Variants in FREM3 observed in about 807,000 individuals in gnomAD.
The protein encoded by FREM3 is FRAS1-related extracellular matrix protein 3.
In FREM3, 105 loss-of-function variants were observed where a neutral mutation model predicts 129.1. The observed-to-expected ratio is 0.81, with a 90% CI of 0.69 to 0.96. The LOEUF is 0.96. Among genes scored for constraint, FREM3 ranks in the 40% least tolerant of loss-of-function variants. The probability of loss-of-function intolerance (pLI) is 0.00; values close to 1 mark genes in which losing one functional copy is unlikely to be tolerated. For synonymous variants in FREM3, 1,014 were observed against 1,044.9 expected, an observed-to-expected ratio of 0.97 and a Z score of 0.57; for missense variants, 2,593 against 2,666.3, an observed-to-expected ratio of 0.97 and a Z score of 0.61.
At chr4:143,685,812 A>G (rs1276259676) in intron 2 of FREM3, among the ~76,000 whole-genome samples, 1 of 152,090 alleles carries the variant, frequency 6.6e-6, no homozygotes, top group Non-Finnish European at 1.5e-5. Flanking sequence ...TCGAACAATG[A>G]GAACACATGG....
At chr4:143,677,355 A>G (rs529418740) in intron 2 of FREM3, among the ~76,000 whole-genome samples, 1 of 152,352 alleles carries the variant, frequency 6.6e-6, no homozygotes, top group East Asian at 1.9e-4. Flanking sequence ...GAAAGCTGAA[A>G]CTGGATCCCT....
chr4:143,676,845 G>A (rs979173789), intron 2 of FREM3, among the ~76,000 whole-genome samples: 17 of 151,322 alleles, frequency 1.1e-4, no homozygotes, highest in African/African-American at 3.7e-4. Flanking sequence ...GGGACGTGAA[G>A]GACCTCTTCA....
Position 143,696,194 on chromosome 4 carries a change from G to C in FREM3, c.4482C>G (p.Asn1494Lys), listed in dbSNP as rs61729867. The C allele has an allele frequency of 3.9e-3, 6,053 of 1,537,800 alleles. 256 individuals carry two copies. The African/African-American group carries it at 0.074, about 19-fold the overall frequency. The change falls in exon 1 of 8, where the codon AAC becomes AAG. Residue 1494 changes from asparagine (N) to lysine (K), a missense_variant. This residue lies in a region of FREM3 where 2,276 missense variants were observed against 2,267.2 expected (regional missense o/e 1.00). Transcript: ENST00000329798. ...TTGAAGTATGGACATAGGATATTTT[G>C]TTGCTAGCCAATTGAAGTTGAGTGA... ...ASFTQLQLAS[N>K]KISYVHTSND...
At position 143,698,253 on chromosome 4, in the gene FREM3, T is replaced by A; in HGVS notation, c.2423A>T (p.Asp808Val). 1 of 1,537,540 alleles carries A rather than the reference T, an allele frequency of 6.5e-7. No homozygotes were observed. The highest frequency in any genetic ancestry group is 8.7e-7 in the Non-Finnish European group (1 of 1,146,976). The change falls in exon 1 of 8, where the codon GAT (aspartate) becomes GTT (valine). Residue 808 changes from aspartate (D) to valine (V), a missense_variant. By Grantham distance (152) the Asp-to-Val change is radical. Coordinates refer to ENST00000329798, the MANE Select transcript of FREM3 (RefSeq NM_001168235.2). ...GCCTGGCACGCTATTGCCTGCAGCA[T>A]CTTCCACCTGGTAAGTAAACTGCAC... ...RVVQFTYQVE[D>V]AAGNSVPGTF...
chr4:143,672,114 T>A (rs1740008602), intron 2 of FREM3, among the ~76,000 whole-genome samples: 1 of 152,180 alleles, frequency 6.6e-6, no homozygotes, highest in Non-Finnish European at 1.5e-5. Context: ...CAGCAGTGTA[T>A]CTTCAGGCAG....
chr4:143,644,414 CA>C (rs1739378721), intron 2 of FREM3, among the ~76,000 whole-genome samples: 1 of 152,130 alleles, frequency 6.6e-6, no homozygotes, highest in South Asian at 2.1e-4. Flanking sequence ...TAATAATAAG[CA>C]TCCACGAAGA....
At chr4:143,656,490 G>T (rs368963339) in intron 2 of FREM3, among the ~76,000 whole-genome samples, 1 of 152,098 alleles carries the variant, frequency 6.6e-6, no homozygotes, top group Non-Finnish European at 1.5e-5. Context: ...GCCATAAAAG[G>T]CATGAAGTAC....
At chr4:143,667,664 C>T (rs2149854761) in intron 2 of FREM3, among the ~76,000 whole-genome samples, 1 of 152,348 alleles carries the variant, frequency 6.6e-6, no homozygotes, top group South Asian at 2.1e-4. Flanking sequence ...TCAACTGGCT[C>T]TCCTAAGCAA....
intron 2 of FREM3, among the ~76,000 whole-genome samples, chr4:143,672,974 A>G (rs1341967821): frequency 1.3e-5 from 2 of 152,102 alleles, no homozygotes; most frequent in African/African-American, 2.4e-5. Context: ...TGCATTGGTT[A>G]TTCTAGTTAG....
At chr4:143,679,663 A>G (rs1740216400) in intron 2 of FREM3, among the ~76,000 whole-genome samples, 1 of 152,138 alleles carries the variant, frequency 6.6e-6, no homozygotes, top group Admixed American at 6.6e-5. Context: ...CTCTGAGCTA[A>G]TTCTTCCCCA....
intron 5 of FREM3, among the ~76,000 whole-genome samples, chr4:143,620,402 G>A (rs1738925595): frequency 6.6e-6 from 1 of 152,172 alleles, no homozygotes. Context: ...CATTTGGGTG[G>A]GCTTCATTTG....
At position 143,700,239 on chromosome 4, in the gene FREM3, T is replaced by C. The variant is rs1740670538; in HGVS notation, c.437A>G (p.Asp146Gly). The C allele has an allele frequency of 6.5e-7, 1 of 1,536,652 alleles. No homozygotes were observed. Among genetic ancestry groups the C allele is most frequent in the Non-Finnish European group, 8.7e-7 (1 of 1,146,822 alleles). The change falls in exon 1 of 8, where the codon GAC (aspartate) becomes GGC (glycine). Residue 146 changes from aspartate to glycine, a missense_variant. By Grantham distance (94) the Asp-to-Gly change is moderately conservative. This residue lies in a region of FREM3 where 2,276 missense variants were observed against 2,267.2 expected (regional missense o/e 1.00). Coordinates refer to ENST00000329798, the MANE Select transcript of FREM3 (RefSeq NM_001168235.2). ...RARVLLQLRY[D>G]APTHTLVLPF... ...CAGCACCAGAGTGTGAGTCGGGGCG[T>C]CGTAGCGCAGCTGCAGCAGCACCCG...
chr4:143,593,705 C>T (rs1218870274), intron 6 of FREM3, among the ~76,000 whole-genome samples: 1 of 152,238 alleles, frequency 6.6e-6, no homozygotes, highest in Non-Finnish European at 1.5e-5. Context: ...AGGAGGCAGT[C>T]TGCCCGTTCT....
chr4:143,671,638 A>G (rs934836897), intron 2 of FREM3, among the ~76,000 whole-genome samples: 4 of 152,162 alleles, frequency 2.6e-5, no homozygotes, highest in Non-Finnish European at 4.4e-5. Context: ...TTTTAAGAGT[A>G]TGGTGAAAAC....
intron 2 of FREM3, among the ~76,000 whole-genome samples, chr4:143,671,307 C>T (rs1739960478): frequency 6.6e-6 from 1 of 152,152 alleles, no homozygotes; most frequent in Non-Finnish European, 1.5e-5. Flanking sequence ...TTATCTCCCT[C>T]TCCGCTTTAA....
chr4:143,615,892 T>C (rs2149840139), intron 5 of FREM3, among the ~76,000 whole-genome samples: 1 of 152,268 alleles, frequency 6.6e-6, no homozygotes, highest in Admixed American at 6.5e-5. Flanking sequence ...GAGACAGGCC[T>C]TGGGCAAGGG....
At chr4:143,676,551 G>T (rs1740130569) in intron 2 of FREM3, among the ~76,000 whole-genome samples, 1 of 152,150 alleles carries the variant, frequency 6.6e-6, no homozygotes, top group South Asian at 2.1e-4. Flanking sequence ...GGGCAATCAG[G>T]CAGGAGAATG....
chr4:143,695,347 G>C, intron 1 of FREM3, 144 bp downstream of exon 1: 1 of 656,076 alleles, frequency 1.5e-6, no homozygotes, highest in Non-Finnish European at 2.4e-6. Flanking sequence ...TTTTGTTTTT[G>C]GAATAGTTTC....
chr4:143,632,387 T>C (rs889644594), intron 2 of FREM3, among the ~76,000 whole-genome samples: 2 of 152,130 alleles, frequency 1.3e-5, no homozygotes, highest in Admixed American at 6.6e-5. Flanking sequence ...AAAGGGGTGA[T>C]ATTTGATAAG....
Sources: gnomAD v4.1 joint callset for allele counts (sites outside exome capture counted in the v4.1 genomes callset) on GRCh38, gnomAD v4.1.1 for gene constraint, gnomAD v4.1.1 regional missense constraint, MANE v1.5 for transcripts, NCBI Gene and HGNC (gene_info 2026-07-23, HGNC 2026-07-21) for gene names.